KIAA1210: variants seen among roughly 807,000 people sequenced by gnomAD.
The protein encoded by KIAA1210 is acrosomal protein KIAA1210.
KIAA1210 carries 48 observed loss-of-function variants against 78.9 expected under a neutral mutation model. The observed-to-expected ratio is 0.61, with a 90% CI of 0.48 to 0.77. KIAA1210 has a LOEUF of 0.77. KIAA1210 is among the 30% of genes least tolerant of loss of function. The pLI, the probability that KIAA1210 is intolerant of heterozygous loss-of-function variation, is 0.00. For missense variants in KIAA1210, 1,108 were observed against 1,100.0 expected (o/e 1.01, Z -0.10); for synonymous variants, 406 against 404.5 (o/e 1.00, Z -0.04).
chrX:119,137,677 A>T (rs1928945890), intron 2 of KIAA1210, among the ~76,000 whole-genome samples: 1 of 111,903 alleles, frequency 8.9e-6, no homozygotes, highest in Non-Finnish European at 1.9e-5. Context: ...ACATTATGAG[A>T]TTTTTTTTAC....
intron 2 of KIAA1210, among the ~76,000 whole-genome samples, chrX:119,141,324 T>C (rs755132280): frequency 8.9e-6 from 1 of 112,103 alleles, no homozygotes; most frequent in East Asian, 2.8e-4. Context: ...AAAGACCTTG[T>C]TAATGTAAAA....
chrX:119,150,654 C>T (rs942822376), upstream of KIAA1210: 15 of 1,042,172 alleles, frequency 1.4e-5, no homozygotes, highest in African/African-American at 2.1e-4. Context: ...AGGACTCTCC[C>T]GCTGCTGAGC....
At chrX:119,150,502 A>G (rs111849658) in exon 1 of KIAA1210, 1 of 1,210,957 alleles carries the variant, frequency 8.3e-7, no homozygotes, top group Non-Finnish European at 1.1e-6. Flanking sequence ...GGCCCAGGTG[A>G]GCCAGGTAGG....
chrX:119,110,401 A>G (rs1157941066), intron 3 of KIAA1210, among the ~76,000 whole-genome samples: 1 of 111,930 alleles, frequency 8.9e-6, no homozygotes, highest in Non-Finnish European at 1.9e-5. Flanking sequence ...TATTCCCCCT[A>G]AGATCAGGAA....
At position 119,102,354 on chromosome X, in the gene KIAA1210, G is replaced by A. The variant is rs138234704; in HGVS notation, c.648+2638C>T. On this transcript the variant is annotated intron_variant, in intron 6 of 11. Transcript: ENST00000691062. ...TTATGTTCTCCTTTGATGTATTAGC[G>A]GATTTTAAAACTAAAATTTTATTTC... is the stretch of plus-strand genomic sequence containing the variant. Among the ~76,000 whole-genome samples the A allele has an allele frequency of 9.2e-4, 103 of 111,950 alleles. 1 individual carries two copies. Among genetic ancestry groups the A allele is most frequent in the African/African-American group, 3.0e-3 (91 of 30,828 alleles).
At chrX:119,098,504 C>T (rs1455703584) in intron 6 of KIAA1210, among the ~76,000 whole-genome samples, 3 of 107,417 alleles carry the variant, frequency 2.8e-5, no homozygotes, top group Non-Finnish European at 3.8e-5. Flanking sequence ...ACTTGGGAGG[C>T]TGAGGCAGGA....
Position 119,089,121 on chromosome X carries a change from T to C in KIAA1210, c.1581A>G (p.Glu527=), listed in dbSNP as rs1927276724. Residue 527 remains glutamate, a synonymous_variant, in exon 9 of 12, where the codon GAA becomes GAG. Coordinates refer to ENST00000691062, the MANE Select transcript of KIAA1210 (RefSeq NM_001394962.1). ...AATCAAAGCTGAAAGCTTCTTGATC[T>C]TCTAACTGGATATGAGAAGGATTCA... The part of the protein sequence containing the change: ...VFMNPSHIQL[E]DQEAFSFDLQ... The C allele has an allele frequency of 8.3e-7, 1 of 1,211,976 alleles. No homozygotes were observed. Among genetic ancestry groups the C allele is most frequent in the South Asian group, 1.8e-5 (1 of 56,995 alleles).
chrX:119,122,061 A>AT (rs781688572), intron 2 of KIAA1210, among the ~76,000 whole-genome samples: 962 of 56,476 alleles, frequency 0.017, 46 homozygotes, highest in East Asian at 0.051. Flanking sequence ...CGCGCCCGGC[A>AT]TTTTTTTTTT....
In KIAA1210 at chrX:119,084,435, A is replaced by C. The variant is rs748374529; in HGVS notation, c.4320+948T>G. 2.7e-5 allele frequency among the ~76,000 whole-genome samples: 3 copies of C among 112,496 alleles called. No homozygotes were observed. In the South Asian group the frequency reaches 1.1e-3, roughly 42 times the overall value. ...GAAAAGTGCCCAGAAATAAAATGTTAAATGAAAAAAACAGTATTTAAGTTT... is the reference window on the plus strand; with the variant it reads ...GAAAAGTGCCCAGAAATAAAATGTTCAATGAAAAAAACAGTATTTAAGTTT... On this transcript the variant is annotated intron_variant, in intron 10 of 11. Coordinates refer to ENST00000691062, the MANE Select transcript of KIAA1210 (RefSeq NM_001394962.1).
Position 119,108,754 on chromosome X carries a change from C to T in KIAA1210, c.358-283G>A, listed in dbSNP as rs73213132. Among the ~76,000 whole-genome samples, 168 of 106,806 alleles carry T rather than the reference C, an allele frequency of 1.6e-3. 1 individual carries two copies. Among genetic ancestry groups the T allele is most frequent in the Non-Finnish European group, 2.8e-3 (144 of 51,961 alleles). 92.7% of individuals were successfully genotyped at this position (106,806 alleles called of 115,157 possible). A position where few individuals can be genotyped will look rare whatever the true frequency, so the allele number is the denominator to read the frequency against. ...TTACAGGCCTGTAGTGCCAGCTACT[C>T]GGGAAGCTGAGCCTGGGAAGTTGAG... On this transcript the variant is annotated intron_variant, in intron 4 of 11. Transcript: ENST00000691062.
At chrX:119,142,414 T>G (rs754071079) in intron 2 of KIAA1210, among the ~76,000 whole-genome samples, 2 of 111,855 alleles carry the variant, frequency 1.8e-5, no homozygotes, top group Non-Finnish European at 3.8e-5. Flanking sequence ...AGCATCTGCT[T>G]CTGGTGAGGA....
chrX:119,117,540 C>T (rs1370351796), intron 2 of KIAA1210, among the ~76,000 whole-genome samples: 2 of 108,378 alleles, frequency 1.8e-5, no homozygotes, highest in East Asian at 5.8e-4. Context: ...GTTTTAAATG[C>T]CCTTAAGGTG....
chrX:119,092,840 T>C (rs1428745572), intron 8 of KIAA1210, among the ~76,000 whole-genome samples: 2 of 110,895 alleles, frequency 1.8e-5, no homozygotes, highest in Non-Finnish European at 3.8e-5. Flanking sequence ...ACTCATTTAA[T>C]CTTCCTTTTT....
Position 119,089,045 on chromosome X carries a change from A to G in KIAA1210, c.1657T>C (p.Cys553Arg), listed in dbSNP as rs752270961. ...ACATTTCCAGAAGGCTTTTCTTTGC[A>G]GATAGTTTGAACATCCTGGGCTGAC... ...MESAQDVQTI[C>R]KEKPSGNVHQ... Residue 553 changes from cysteine (C) to arginine (R), a missense_variant, in exon 9 of 12, where the codon TGC becomes CGC. This residue lies in a region of KIAA1210 where 672 missense variants were observed against 607.1 expected (regional missense o/e 1.11). Coordinates refer to ENST00000691062, the MANE Select transcript of KIAA1210 (RefSeq NM_001394962.1). 33 of 1,210,664 alleles carry G rather than the reference A, an allele frequency of 2.7e-5. No homozygotes were observed. In the East Asian group the frequency reaches 5.6e-4, roughly 21 times the overall value.
chrX:119,085,694 T>A, intron 9 of KIAA1210, 148 bp from the exon 10 acceptor site: 2 of 516,644 alleles, frequency 3.9e-6, no homozygotes, highest in East Asian at 7.8e-5. Flanking sequence ...AAGGCCCCCC[T>A]TTTTTGGGCC....
intron 2 of KIAA1210, among the ~76,000 whole-genome samples, chrX:119,122,127 G>A (rs1227806813): frequency 3.0e-5 from 3 of 100,177 alleles, no homozygotes; most frequent in African/African-American, 1.1e-4. Flanking sequence ...GTACAGTGGC[G>A]CGATCTCAGC....
At chrX:119,137,883 A>T (rs919711232) in intron 2 of KIAA1210, among the ~76,000 whole-genome samples, 1 of 111,946 alleles carries the variant, frequency 8.9e-6, no homozygotes, top group Non-Finnish European at 1.9e-5. Flanking sequence ...CATGTGTGGT[A>T]CAGGGGGCTA....
At chrX:119,146,611 G>T (rs1603273687) in intron 2 of KIAA1210, among the ~76,000 whole-genome samples, 2 of 112,076 alleles carry the variant, frequency 1.8e-5, no homozygotes, top group Middle Eastern at 9.2e-3. Context: ...AAAAACTTTA[G>T]GTGAACTGGT....
rs191821140 is a variant in KIAA1210 at position 119,091,824 on chromosome X, G to C, written c.955+1843C>G. ...GAAACTGGAGGCCAATATTCTAAGTGAAGTAACCCAGGAATCGAAAACCAA... is the reference window on the plus strand; with the variant it reads ...GAAACTGGAGGCCAATATTCTAAGTCAAGTAACCCAGGAATCGAAAACCAA... On this transcript the variant is annotated intron_variant, in intron 8 of 11. Coordinates refer to ENST00000691062, the MANE Select transcript of KIAA1210 (RefSeq NM_001394962.1). 4.5e-5 allele frequency among the ~76,000 whole-genome samples: 5 copies of C among 112,082 alleles called. No homozygotes were observed. In the East Asian group the frequency reaches 1.4e-3, roughly 31 times the overall value.
Sources: allele counts gnomAD v4.1 joint callset (sites outside exome capture counted in the v4.1 genomes callset), GRCh38; gene constraint gnomAD v4.1.1; regional missense constraint gnomAD v4.1.1; transcripts MANE v1.5; gene names NCBI Gene and HGNC (gene_info 2026-07-23, HGNC 2026-07-21).